Variants in PARG observed in about 807,000 individuals in gnomAD.
PARG encodes the protein poly(ADP-ribose) glycohydrolase.
Under a neutral mutation model 113.0 loss-of-function variants are expected in PARG, and 35 were observed. The observed-to-expected ratio is 0.31, with a 90% confidence interval of 0.24 to 0.41. The LOEUF (loss-of-function observed/expected upper bound fraction) is 0.41. Among genes scored for constraint, PARG ranks in the 10% least tolerant of loss-of-function variants. The pLI, the probability that PARG is intolerant of heterozygous loss-of-function variation, is 1.00. For synonymous variants in PARG, 330 were observed against 409.9 expected (o/e 0.81, Z 2.36); for missense variants, 797 against 1,169.4 (o/e 0.68, Z 4.64).
intron 4 of PARG, 54 bp downstream of exon 4, chr10:49,932,046 C>G (rs1838512878): frequency 3.0e-6 from 3 of 1,001,736 alleles, no homozygotes; most frequent in South Asian, 2.7e-5. Flanking sequence ...ATAAATATCA[C>G]AATAAATAAG....
chr10:49,842,430 T>G lies in PARG; in HGVS notation c.2433-372A>C, dbSNP rs111533209. Among the ~76,000 whole-genome samples, 4 of 152,334 alleles carry G rather than the reference T, an allele frequency of 2.6e-5. 1 individual carries two copies. Among genetic ancestry groups the G allele is most frequent in the African/African-American group, 9.6e-5 (4 of 41,588 alleles). Reference sequence around the variant, plus strand: ...CATGCCACTTGCATCCTGACAAAGCTCATTCCTCCTTTGCTTTGAGAGATC... The same window carrying G: ...CATGCCACTTGCATCCTGACAAAGCGCATTCCTCCTTTGCTTTGAGAGATC... On this transcript the variant is annotated intron_variant, in intron 14 of 17. Coordinates refer to ENST00000616448, the MANE Select transcript of PARG (RefSeq NM_003631.5).
At position 49,820,241 on chromosome 10, in the gene PARG, G is replaced by A. The variant is rs1440401979; in HGVS notation, c.2700C>T (p.Phe900=). The A allele has an allele frequency of 2.6e-6, 4 of 1,544,492 alleles. No individual in the cohort carries two copies. Among genetic ancestry groups the A allele is most frequent in the Non-Finnish European group, 3.5e-6 (4 of 1,140,336 alleles). The change falls in exon 17 of 18, where the codon TTC becomes TTT. Residue 900 remains phenylalanine, a synonymous_variant. Coordinates refer to ENST00000616448, the MANE Select transcript of PARG (RefSeq NM_003631.5). ...TCATCAATTCTGAGTCCCCAAAGGT[G>A]AAATAAACCACATCTCGCTCAGCTG... The part of the protein sequence containing the change: ...AAAAERDVVY[F]TFGDSELMRD...
chr10:49,848,271 C>T (rs1340298967), intron 13 of PARG, among the ~76,000 whole-genome samples: 9 of 149,646 alleles, frequency 6.0e-5, no homozygotes. Flanking sequence ...CTCACTTGAA[C>T]CTGGAGGGTG....
At chr10:49,894,145 C>T (rs1263457594) in intron 7 of PARG, among the ~76,000 whole-genome samples, 1 of 151,900 alleles carries the variant, frequency 6.6e-6, no homozygotes. Flanking sequence ...GAGATCCTTC[C>T]ACCTCAGCCT....
intron 7 of PARG, among the ~76,000 whole-genome samples, chr10:49,891,670 C>T (rs1242384823): frequency 7.4e-6 from 1 of 134,422 alleles, no homozygotes; most frequent in Admixed American, 8.0e-5. Flanking sequence ...CACTCTGTCA[C>T]CCAGGCTGGA....
chr10:49,929,924 A>G (rs1447481229), intron 4 of PARG, among the ~76,000 whole-genome samples: 2 of 150,854 alleles, frequency 1.3e-5, no homozygotes, highest in Non-Finnish European at 3.0e-5. Context: ...ACAAAATTTG[A>G]AAGTAGGAGT....
chr10:49,894,514 G>A (rs1196842810), intron 7 of PARG, among the ~76,000 whole-genome samples: 1 of 152,014 alleles, frequency 6.6e-6, no homozygotes, highest in African/African-American at 2.4e-5. Flanking sequence ...TATAGTTTTT[G>A]CTTTTTCAGT....
intron 15 of PARG, among the ~76,000 whole-genome samples, chr10:49,841,588 T>A (rs3849146): frequency 0.064 from 9,765 of 152,310 alleles, 437 homozygotes; most frequent in African/African-American, 0.1. Context: ...TTAACCCTGA[T>A]AGCATACTTT....
intron 16 of PARG, among the ~76,000 whole-genome samples, chr10:49,822,479 TAAAAC>T (rs1844149054): frequency 6.6e-6 from 1 of 152,042 alleles, no homozygotes. Context: ...CTCAAATGGA[TAAAAC>T]AAAACGAAAC....
At chr10:49,930,086 G>A (rs1222087870) in intron 4 of PARG, among the ~76,000 whole-genome samples, 1 of 152,226 alleles carries the variant, frequency 6.6e-6, no homozygotes, top group Non-Finnish European at 1.5e-5. Flanking sequence ...TAACTCTTCA[G>A]ATGAATGGTA....
intron 13 of PARG, among the ~76,000 whole-genome samples, chr10:49,847,508 G>T (rs1158106739): frequency 7.9e-5 from 12 of 152,104 alleles, no homozygotes; most frequent in African/African-American, 2.2e-4. Context: ...GAAGCAGTGG[G>T]CAAACACAAG....
intron 4 of PARG, among the ~76,000 whole-genome samples, chr10:49,925,044 G>C (rs2664668): frequency 6.6e-6 from 1 of 152,158 alleles, no homozygotes; most frequent in African/African-American, 2.4e-5. Context: ...ACTGTGCATG[G>C]GAGGGATCTA....
intron 4 of PARG, among the ~76,000 whole-genome samples, chr10:49,929,921 T>C (rs1195306811): frequency 6.6e-6 from 1 of 150,776 alleles, no homozygotes; most frequent in African/African-American, 2.4e-5. Context: ...AATACAAAAT[T>C]TGAAAGTAGG....
chr10:49,867,987 A>C (rs1444102288), intron 10 of PARG, among the ~76,000 whole-genome samples: 4 of 152,122 alleles, frequency 2.6e-5, no homozygotes, highest in Non-Finnish European at 5.9e-5. Flanking sequence ...CAAAAAAAGC[A>C]GTCATTTATT....
At chr10:49,845,407 T>G (rs1845458919) in intron 13 of PARG, among the ~76,000 whole-genome samples, 1 of 152,114 alleles carries the variant, frequency 6.6e-6, no homozygotes, top group South Asian at 2.1e-4. Context: ...TATGAAGAGA[T>G]TTATTGCCAA....
intron 7 of PARG, among the ~76,000 whole-genome samples, chr10:49,904,499 A>G (rs1372378893): frequency 6.6e-6 from 1 of 152,084 alleles, no homozygotes; most frequent in South Asian, 2.1e-4. Context: ...AGGTTCATCA[A>G]TTGTAGCAAA....
At chr10:49,878,621 A>AT (rs1198967949) in intron 9 of PARG, among the ~76,000 whole-genome samples, 3 of 133,688 alleles carry the variant, frequency 2.2e-5, no homozygotes, top group African/African-American at 7.9e-5. Flanking sequence ...CCGTCTTAAA[A>AT]TTAAAAAAAA....
chr10:49,846,203 C>T (rs1381645724), intron 13 of PARG, among the ~76,000 whole-genome samples: 13 of 150,914 alleles, frequency 8.6e-5, no homozygotes, highest in Non-Finnish European at 1.6e-4. Context: ...TCTCACATTA[C>T]GCTAAGCAAA....
Position 49,907,881 on chromosome 10 carries a change from T to C in PARG, c.1737+8036A>G, listed in dbSNP as rs182436539. Among the ~76,000 whole-genome samples the C allele has an allele frequency of 2.2e-3, 334 of 152,286 alleles. 2 individuals carry two copies. The highest frequency in any genetic ancestry group is 7.8e-3 in the African/African-American group (323 of 41,586). The stretch of plus-strand genomic sequence containing the variant: ...CCTCTAACAGTAGATTTTTGGATAA[T>C]GAAATCAACACCACAGCAACATTTA... On this transcript the variant is annotated intron_variant, in intron 7 of 17. Coordinates refer to ENST00000616448, the MANE Select transcript of PARG (RefSeq NM_003631.5).
Sources: allele counts gnomAD v4.1 joint callset (sites outside exome capture counted in the v4.1 genomes callset), GRCh38; gene constraint gnomAD v4.1.1; transcripts MANE v1.5; gene names NCBI Gene and HGNC (gene_info 2026-07-23, HGNC 2026-07-21).